GRIK4: variants seen among roughly 807,000 people sequenced by gnomAD.
GRIK4 encodes glutamate ionotropic receptor kainate type subunit 4, also known as glutamate receptor ionotropic, kainate 4.
GRIK4 carries 40 observed loss-of-function variants against 104.9 expected under a neutral mutation model. That is an observed-to-expected ratio of 0.38 (90% CI 0.30 to 0.50). GRIK4 has a LOEUF of 0.50. GRIK4 is among the 20% of genes least tolerant of loss of function. The probability of loss-of-function intolerance (pLI) is 0.93; values close to 1 mark genes in which losing one functional copy is unlikely to be tolerated. For synonymous variants in GRIK4, 485 were observed against 524.9 expected (o/e 0.92, Z 1.04); for missense variants, 1,047 against 1,308.1 (o/e 0.80, Z 3.08).
chr11:120,678,389 A>C (rs920689516), intron 3 of GRIK4, among the ~76,000 whole-genome samples: 13 of 152,140 alleles, frequency 8.5e-5, no homozygotes, highest in African/African-American at 3.1e-4. Flanking sequence ...GGCTTTATTT[A>C]TAGTCGCTTA....
chr11:120,717,078 C>T (rs1950847444), intron 3 of GRIK4, among the ~76,000 whole-genome samples: 3 of 152,180 alleles, frequency 2.0e-5, no homozygotes, highest in African/African-American at 7.2e-5. Context: ...GTCGCTCTGA[C>T]AGGCAGTTTG....
intron 1 of GRIK4, among the ~76,000 whole-genome samples, chr11:120,628,240 A>T (rs374957669): frequency 6.6e-6 from 1 of 152,134 alleles, no homozygotes; most frequent in South Asian, 2.1e-4. Context: ...CTGGCCCTTC[A>T]TCTGACATCT....
At position 120,660,507 on chromosome 11, in the gene GRIK4, C is replaced by A. The variant is rs559401746; in HGVS notation, c.82+107C>A. The A allele has an allele frequency of 3.4e-5, 27 of 793,020 alleles. No individual in the cohort carries two copies. The South Asian group carries it at 3.7e-4, about 11-fold the overall frequency. The allele number at this position is 793,020 out of a possible 1,614,324, so 49.1% of individuals were successfully genotyped here. A position where few individuals can be genotyped will look rare whatever the true frequency, so the allele number is the denominator to read the frequency against. Reference sequence around the variant, plus strand: ...TTGGGGAAGCTGCCCAGCCCGTGCACTGTGCCCTCCCTGAGTGTGGCTGGG... The same window carrying A: ...TTGGGGAAGCTGCCCAGCCCGTGCAATGTGCCCTCCCTGAGTGTGGCTGGG... On this transcript the variant is annotated intron_variant, in intron 3 of 20. Coordinates refer to ENST00000527524, the MANE Select transcript of GRIK4 (RefSeq NM_014619.5).
At chr11:120,568,657 G>A (rs1324044668) in intron 1 of GRIK4, among the ~76,000 whole-genome samples, 2 of 152,118 alleles carry the variant, frequency 1.3e-5, no homozygotes, top group Admixed American at 1.3e-4. Flanking sequence ...CAAAGTGCTG[G>A]GATTACAGGT....
At chr11:120,977,910 T>C (rs1229624946) in intron 19 of GRIK4, among the ~76,000 whole-genome samples, 3 of 152,204 alleles carry the variant, frequency 2.0e-5, no homozygotes, top group Non-Finnish European at 2.9e-5. Flanking sequence ...CAGTCCCCTT[T>C]AGCCATCACT....
chr11:120,793,807 G>GC (rs1313928915), intron 3 of GRIK4, among the ~76,000 whole-genome samples: 1 of 151,200 alleles, frequency 6.6e-6, no homozygotes. Context: ...GAGGTGAGGG[G>GC]AGGTGTTGGG....
At chr11:120,875,346 A>G in intron 11 of GRIK4, 103 bp downstream of exon 11, 2 of 757,718 alleles carry the variant, frequency 2.6e-6, no homozygotes, top group South Asian at 1.5e-5. Flanking sequence ...TATCCCCAAC[A>G]GCAGCAGGCT....
intron 19 of GRIK4, among the ~76,000 whole-genome samples, chr11:120,979,149 A>T (rs1944609644): frequency 6.6e-6 from 1 of 152,236 alleles, no homozygotes; most frequent in East Asian, 1.9e-4. Context: ...AATAAAAAGT[A>T]CTGGCTTCAG....
At chr11:120,604,335 CT>C (rs1948930056) in intron 1 of GRIK4, among the ~76,000 whole-genome samples, 1 of 152,168 alleles carries the variant, frequency 6.6e-6, no homozygotes, top group Admixed American at 6.5e-5. Flanking sequence ...GTGGTACCCC[CT>C]GGGCATCGCA....
At chr11:120,562,387 C>T (rs1948249609) in intron 1 of GRIK4, among the ~76,000 whole-genome samples, 1 of 152,180 alleles carries the variant, frequency 6.6e-6, no homozygotes, top group African/African-American at 2.4e-5. Context: ...AGTGAAGGAG[C>T]AGGTAAGTGT....
intron 1 of GRIK4, among the ~76,000 whole-genome samples, chr11:120,556,284 T>C (rs2136099058): frequency 6.6e-6 from 1 of 152,242 alleles, no homozygotes; most frequent in South Asian, 2.1e-4. Flanking sequence ...CTCAGTCTTG[T>C]TTGTTCTGCC....
intron 1 of GRIK4, among the ~76,000 whole-genome samples, chr11:120,550,845 A>T (rs1476951733): frequency 6.6e-6 from 1 of 152,160 alleles, no homozygotes; most frequent in Non-Finnish European, 1.5e-5. Flanking sequence ...AGTGGGCACA[A>T]ACCGTTCTTT....
chr11:120,838,622 A>G (rs911106606), intron 8 of GRIK4, among the ~76,000 whole-genome samples: 3 of 152,376 alleles, frequency 2.0e-5, no homozygotes, highest in East Asian at 1.9e-4. Flanking sequence ...ATCTGCCAGT[A>G]AGAGAATATT....
chr11:120,897,689 A>G (rs866510454), intron 11 of GRIK4, among the ~76,000 whole-genome samples: 1 of 151,524 alleles, frequency 6.6e-6, no homozygotes. Flanking sequence ...AAGGAAACAA[A>G]ACACAATAGA....
chr11:120,943,912 C>T (rs962458643), intron 14 of GRIK4, among the ~76,000 whole-genome samples: 9 of 152,176 alleles, frequency 5.9e-5, no homozygotes, highest in African/African-American at 2.2e-4. Context: ...TCCAGCGATC[C>T]AAGATTATCT....
intron 3 of GRIK4, among the ~76,000 whole-genome samples, chr11:120,730,023 CTT>C (rs1291815155): frequency 6.6e-6 from 1 of 152,162 alleles, no homozygotes; most frequent in African/African-American, 2.4e-5. Context: ...AAGAGACTGT[CTT>C]TTCCCCAGTG....
intron 1 of GRIK4, among the ~76,000 whole-genome samples, chr11:120,552,681 C>T (rs1948151015): frequency 6.6e-6 from 1 of 152,082 alleles, no homozygotes; most frequent in Non-Finnish European, 1.5e-5. Context: ...TTTAGCTCGA[C>T]TTGGGATTTA....
intron 1 of GRIK4, among the ~76,000 whole-genome samples, chr11:120,574,709 T>C (rs1467552415): frequency 6.6e-6 from 1 of 152,194 alleles, no homozygotes; most frequent in Admixed American, 6.5e-5. Flanking sequence ...ATAAATGTGT[T>C]TGAATGAAGG....
chr11:120,674,829 C>A (rs1452709630), intron 3 of GRIK4, among the ~76,000 whole-genome samples: 1 of 152,330 alleles, frequency 6.6e-6, no homozygotes, highest in South Asian at 2.1e-4. Context: ...TCCAAGGGGG[C>A]ACCAACCACA....
Sources: allele counts gnomAD v4.1 joint callset (sites outside exome capture counted in the v4.1 genomes callset), GRCh38; gene constraint gnomAD v4.1.1; transcripts MANE v1.5; gene names NCBI Gene and HGNC (gene_info 2026-07-23, HGNC 2026-07-21).